The following CSMD1 variants were observed in gnomAD, a reference collection of about 807,000 sequenced individuals.
The protein encoded by CSMD1 is CUB and sushi domain-containing protein 1.
A neutral mutation model predicts 417.5 loss-of-function variants in CSMD1; 213 were observed. The ratio of observed to expected loss-of-function variants is 0.51; its 90% CI spans 0.46 to 0.57. The LOEUF (loss-of-function observed/expected upper bound fraction) is 0.57, where lower values mean the gene tolerates loss of function less well. Among genes scored for constraint, CSMD1 ranks in the 20% least tolerant of loss-of-function variants. The pLI, the probability that CSMD1 is intolerant of heterozygous loss-of-function variation, is 0.00. For synonymous variants in CSMD1, 2,862 were observed against 1,736.8 expected (o/e 1.65, Z -16.11); for missense variants, 6,923 against 4,529.7 (o/e 1.53, Z -15.17).
chr8:3,307,199 TGTAAGCACAAGTTGGAA>T (rs2117383784), intron 25 of CSMD1, among the ~76,000 whole-genome samples: 1 of 152,242 alleles, frequency 6.6e-6, no homozygotes, highest in South Asian at 2.1e-4. Flanking sequence ...GCAAGTGTAA[TGTAAGCACAAGTTGGAA>T]ATTTGTTCAT....
At chr8:3,161,390 G>C (rs1232360351) in intron 38 of CSMD1, among the ~76,000 whole-genome samples, 2 of 152,108 alleles carry the variant, frequency 1.3e-5, no homozygotes, top group African/African-American at 4.8e-5. Flanking sequence ...GCCAAGGCAG[G>C]TGGATCACCT....
intron 41 of CSMD1, among the ~76,000 whole-genome samples, chr8:3,135,997 G>C (rs1377604600): frequency 6.6e-6 from 1 of 152,116 alleles, no homozygotes; most frequent in Non-Finnish European, 1.5e-5. Context: ...AGCCCACACA[G>C]CTGTCACCTT....
At chr8:3,725,650 G>A (rs1282607404) in intron 6 of CSMD1, among the ~76,000 whole-genome samples, 3 of 152,140 alleles carry the variant, frequency 2.0e-5, no homozygotes, top group African/African-American at 7.2e-5. Flanking sequence ...ACAGGATGGA[G>A]TGAGCAGTGG....
chr8:3,946,393 T>C (rs1420708794), intron 5 of CSMD1, among the ~76,000 whole-genome samples: 1 of 152,180 alleles, frequency 6.6e-6, no homozygotes, highest in African/African-American at 2.4e-5. Context: ...TTTTCTCGTC[T>C]ATACCATTGA....
chr8:4,971,337 A>G (rs1315072505), intron 1 of CSMD1, among the ~76,000 whole-genome samples: 1 of 152,102 alleles, frequency 6.6e-6, no homozygotes, highest in East Asian at 1.9e-4. Flanking sequence ...CTGATACTAA[A>G]AAATAATCTC....
chr8:3,861,982 G>A (rs973559308), intron 5 of CSMD1, among the ~76,000 whole-genome samples: 35 of 152,124 alleles, frequency 2.3e-4, no homozygotes, highest in Admixed American at 2.1e-3. Flanking sequence ...TGATGAATGT[G>A]TTTATATCTT....
rs566863381 is a variant in CSMD1, at chr8:4,650,201, C to T, written c.86-12643G>A. Among the ~76,000 whole-genome samples the T allele has an allele frequency of 1.9e-4, 29 of 151,652 alleles. No individual in the cohort carries two copies. In the South Asian group the frequency reaches 3.5e-3, roughly 19 times the overall value. Reference sequence around the variant, plus strand: ...TCTAATAAAAATCCAAAAAATTAGCCGGGTGTGGTGGCGGGCGCCTGTAGT... The same window carrying T: ...TCTAATAAAAATCCAAAAAATTAGCTGGGTGTGGTGGCGGGCGCCTGTAGT... On this transcript the variant is annotated intron_variant, in intron 1 of 69. Coordinates refer to ENST00000635120, the MANE Select transcript of CSMD1 (RefSeq NM_033225.6).
At chr8:3,625,965 G>T (rs377102025) in intron 7 of CSMD1, among the ~76,000 whole-genome samples, 1 of 152,112 alleles carries the variant, frequency 6.6e-6, no homozygotes, top group Non-Finnish European at 1.5e-5. Flanking sequence ...ATTAAGCCAA[G>T]ATGTTTATTT....
At chr8:3,887,680 C>G (rs1248147714) in intron 5 of CSMD1, among the ~76,000 whole-genome samples, 1 of 152,182 alleles carries the variant, frequency 6.6e-6, no homozygotes, top group African/African-American at 2.4e-5. Flanking sequence ...ACCTATGTAT[C>G]TGAGTTACAC....
chr8:4,606,540 G>A (rs895032859), intron 2 of CSMD1, among the ~76,000 whole-genome samples: 1 of 152,126 alleles, frequency 6.6e-6, no homozygotes, highest in Non-Finnish European at 1.5e-5. Flanking sequence ...ATGGCAGCAG[G>A]GCTGTCAGCT....
intron 1 of CSMD1, among the ~76,000 whole-genome samples, chr8:4,867,363 T>G (rs1563629282): frequency 6.6e-6 from 1 of 152,094 alleles, no homozygotes; most frequent in Non-Finnish European, 1.5e-5. Context: ...CCTCTTTAAA[T>G]AGTTGGCCAA....
chr8:4,284,046 A>G (rs993092196), intron 3 of CSMD1, among the ~76,000 whole-genome samples: 16 of 152,206 alleles, frequency 1.1e-4, no homozygotes, highest in African/African-American at 1.9e-4. Context: ...CAGGCTGGCC[A>G]TCATTGTGAA....
At chr8:3,559,579 G>C (rs1354480881) in intron 10 of CSMD1, among the ~76,000 whole-genome samples, 1 of 152,140 alleles carries the variant, frequency 6.6e-6, no homozygotes, top group Non-Finnish European at 1.5e-5. Flanking sequence ...TATAAACACA[G>C]AGATACAAGT....
intron 1 of CSMD1, among the ~76,000 whole-genome samples, chr8:4,901,938 G>C (rs1316295009): frequency 1.3e-5 from 2 of 152,086 alleles, no homozygotes; most frequent in South Asian, 4.1e-4. Context: ...GTCAGATATT[G>C]ATCTTCACAA....
At chr8:4,053,051 G>C (rs985037927) in intron 3 of CSMD1, among the ~76,000 whole-genome samples, 2 of 152,168 alleles carry the variant, frequency 1.3e-5, no homozygotes, top group African/African-American at 2.4e-5. Context: ...AACCAGAGGA[G>C]TCCTTGGGAG....
intron 51 of CSMD1, among the ~76,000 whole-genome samples, chr8:3,026,543 G>C (rs940471955): frequency 6.6e-6 from 1 of 151,342 alleles, no homozygotes; most frequent in Non-Finnish European, 1.5e-5. Flanking sequence ...GGCCTGACTG[G>C]ACCTCACTGA....
intron 5 of CSMD1, among the ~76,000 whole-genome samples, chr8:3,900,156 G>A (rs1385373873): frequency 1.3e-5 from 2 of 152,214 alleles, no homozygotes; most frequent in East Asian, 3.9e-4. Context: ...GCAGCTAGAT[G>A]ACACCACAGC....
intron 3 of CSMD1, among the ~76,000 whole-genome samples, chr8:4,155,737 G>A (rs530777706): frequency 1.1e-4 from 17 of 152,160 alleles, no homozygotes; most frequent in African/African-American, 2.7e-4. Flanking sequence ...ACATTCCTCC[G>A]TGTCAGCTTT....
chr8:3,420,409 G>C (rs1813411728), intron 12 of CSMD1, among the ~76,000 whole-genome samples: 1 of 146,644 alleles, frequency 6.8e-6, no homozygotes, highest in Non-Finnish European at 1.5e-5. Context: ...CCTGGGACAG[G>C]AAGAGGACAC....
Sources: gnomAD v4.1 joint callset for allele counts (sites outside exome capture counted in the v4.1 genomes callset) on GRCh38, gnomAD v4.1.1 for gene constraint, MANE v1.5 for transcripts, NCBI Gene and HGNC (gene_info 2026-07-23, HGNC 2026-07-21) for gene names.